The following LRBA variants were observed in gnomAD, a reference collection of about 807,000 sequenced individuals.
LRBA encodes the protein lipopolysaccharide-responsive and beige-like anchor protein.
LRBA carries 176 observed loss-of-function variants against 330.0 expected under a neutral mutation model. That is an observed-to-expected ratio of 0.53 (90% confidence interval 0.47 to 0.60). LRBA has a LOEUF of 0.60. LRBA is among the 20% of genes least tolerant of loss of function. The pLI is 0.00. For missense variants in LRBA, 3,259 were observed against 3,444.8 expected, an observed-to-expected ratio of 0.95 and a Z score of 1.35; for synonymous variants, 1,230 against 1,193.0, an observed-to-expected ratio of 1.03 and a Z score of -0.64.
intron 35 of LRBA, among the ~76,000 whole-genome samples, chr4:150,756,311 A>T (rs1418549890): frequency 6.6e-6 from 1 of 152,180 alleles, no homozygotes; most frequent in Non-Finnish European, 1.5e-5. Context: ...AGGGATCACA[A>T]GCAAGCTGGC....
intron 35 of LRBA, among the ~76,000 whole-genome samples, chr4:150,754,744 C>A (rs1387688939): frequency 6.6e-6 from 1 of 151,860 alleles, no homozygotes; most frequent in Admixed American, 6.6e-5. Context: ...GAACTTATCT[C>A]TTAAAAGAAA....
At chr4:150,971,120 T>A (rs1423524965) in intron 2 of LRBA, among the ~76,000 whole-genome samples, 1 of 152,230 alleles carries the variant, frequency 6.6e-6, no homozygotes, top group Non-Finnish European at 1.5e-5. Flanking sequence ...TATGTCGAAG[T>A]GTGCTCACTC....
intron 2 of LRBA, among the ~76,000 whole-genome samples, chr4:150,952,676 G>A (rs1000871961): frequency 1.3e-5 from 2 of 151,856 alleles, no homozygotes; most frequent in African/African-American, 4.8e-5. Context: ...GGTGGAGAGG[G>A]TTTCTGTACC....
chr4:150,571,079 T>G (rs1401033549), intron 40 of LRBA, among the ~76,000 whole-genome samples: 1 of 152,082 alleles, frequency 6.6e-6, no homozygotes, highest in Non-Finnish European at 1.5e-5. Flanking sequence ...CAAATCTAAG[T>G]GCCTCTCCAC....
At chr4:150,926,912 A>T (rs1733937308) in intron 4 of LRBA, among the ~76,000 whole-genome samples, 1 of 151,706 alleles carries the variant, frequency 6.6e-6, no homozygotes, top group Non-Finnish European at 1.5e-5. Context: ...CTCTACTAAA[A>T]ATAGAAAAGT....
intron 2 of LRBA, 24 bp downstream of exon 2, chr4:151,014,403 C>T (rs1190274666): frequency 6.3e-7 from 1 of 1,578,806 alleles, no homozygotes; most frequent in Admixed American, 1.7e-5. Context: ...AGAGTATATG[C>T]TTATAAAATA....
At chr4:150,777,251 A>C (rs947289210) in intron 34 of LRBA, among the ~76,000 whole-genome samples, 2 of 152,064 alleles carry the variant, frequency 1.3e-5, no homozygotes, top group Admixed American at 6.6e-5. Context: ...GAGCCACTGC[A>C]CCGGATCTAA....
At chr4:150,391,409 A>T (rs569543282) in intron 47 of LRBA, among the ~76,000 whole-genome samples, 9 of 152,178 alleles carry the variant, frequency 5.9e-5, no homozygotes, top group African/African-American at 2.2e-4. Context: ...ATATAAAAAG[A>T]TTTATTTTGG....
At chr4:150,829,038 G>C (rs536314024) in intron 29 of LRBA, among the ~76,000 whole-genome samples, 1 of 151,580 alleles carries the variant, frequency 6.6e-6, no homozygotes, top group African/African-American at 2.4e-5. Flanking sequence ...GGGCTCAGGC[G>C]ATCCTCCCAC....
In LRBA at chr4:150,941,488, C is replaced by G. The variant is rs541189634; in HGVS notation, c.217-12423G>C. 4.6e-5 allele frequency among the ~76,000 whole-genome samples: 7 copies of G among 152,284 alleles called. No individual in the cohort carries two copies. The East Asian group carries it at 1.3e-3, about 29-fold the overall frequency. On this transcript the variant is annotated intron_variant, in intron 2 of 56. Transcript: ENST00000651943. ...TTTTATTGTGAAATGTTTCACTGCACCCAGCTGCCAAGCTATTCTTAGACA... is the reference window on the plus strand; with the variant it reads ...TTTTATTGTGAAATGTTTCACTGCAGCCAGCTGCCAAGCTATTCTTAGACA...
Position 150,908,468 on chromosome 4 carries a change from C to A in LRBA, c.1360-1G>T. 6.3e-7 allele frequency: 1 copy of A among 1,584,898 alleles called. No homozygotes were observed. The highest frequency in any genetic ancestry group is 1.2e-5 in the South Asian group (1 of 85,174). On this transcript the variant is annotated splice_acceptor_variant, in intron 10 of 56. Transcript: ENST00000651943. LOFTEE classifies it high-confidence loss of function. Reference sequence around the variant, plus strand: ...AATGTGTTAAAACTGCCTTTACATCCTTGTAAGATCAAAAACACAGTAAAG... The same window carrying A: ...AATGTGTTAAAACTGCCTTTACATCATTGTAAGATCAAAAACACAGTAAAG...
chr4:150,564,933 G>C (rs1768930502), intron 40 of LRBA, among the ~76,000 whole-genome samples: 1 of 152,130 alleles, frequency 6.6e-6, no homozygotes, highest in Admixed American at 6.5e-5. Context: ...ATCGTTGGTG[G>C]GAATGTAAAT....
At chr4:150,613,710 A>G (rs886808379) in intron 37 of LRBA, among the ~76,000 whole-genome samples, 1 of 152,248 alleles carries the variant, frequency 6.6e-6, no homozygotes, top group Non-Finnish European at 1.5e-5. Flanking sequence ...GACTTGATGT[A>G]CAGCGAATGC....
chr4:150,560,361 A>G (rs1469652318), intron 40 of LRBA, among the ~76,000 whole-genome samples: 1 of 152,112 alleles, frequency 6.6e-6, no homozygotes, highest in African/African-American at 2.4e-5. Flanking sequence ...AAATGTGATA[A>G]GCATGTGATG....
intron 44 of LRBA, among the ~76,000 whole-genome samples, chr4:150,448,775 C>T (rs1157653278): frequency 1.8e-5 from 2 of 113,882 alleles, no homozygotes; most frequent in East Asian, 5.6e-4. Context: ...GCACTCCAGT[C>T]TGAGCAATAA....
At chr4:150,357,810 G>A (rs555194811) in intron 47 of LRBA, among the ~76,000 whole-genome samples, 4 of 152,138 alleles carry the variant, frequency 2.6e-5, no homozygotes, top group Non-Finnish European at 5.9e-5. Flanking sequence ...AAAGAGAAGT[G>A]AGGCAATGCA....
chr4:150,508,247 G>A (rs959597232), intron 40 of LRBA, among the ~76,000 whole-genome samples: 1 of 137,100 alleles, frequency 7.3e-6, no homozygotes, highest in African/African-American at 2.6e-5. Flanking sequence ...AAAAGGGGGG[G>A]GGGGGGAGAA....
intron 42 of LRBA, among the ~76,000 whole-genome samples, chr4:150,474,302 T>C (rs1209721602): frequency 1.3e-5 from 2 of 152,206 alleles, no homozygotes; most frequent in Admixed American, 6.5e-5. Flanking sequence ...TATTTCTGTA[T>C]TGTCAATTCT....
chr4:150,315,720 AT>A, intron 50 of LRBA, 97 bp from the exon 51 acceptor site: 1 of 740,298 alleles, frequency 1.4e-6, no homozygotes, highest in Non-Finnish European at 2.1e-6. Flanking sequence ...ATTGTTTCCA[AT>A]CTCTAAATCT....
Sources: gnomAD v4.1 joint callset for allele counts (sites outside exome capture counted in the v4.1 genomes callset) on GRCh38, gnomAD v4.1.1 for gene constraint, MANE v1.5 for transcripts, NCBI Gene and HGNC (gene_info 2026-07-23, HGNC 2026-07-21) for gene names.